The following ARHGAP25 variants were observed in gnomAD, a reference collection of about 807,000 sequenced individuals.
ARHGAP25 encodes the protein Rho GTPase activating protein 25.
In ARHGAP25, 34 loss-of-function variants were observed where a neutral mutation model predicts 71.0. The ratio of observed to expected loss-of-function variants is 0.48; its 90% CI spans 0.36 to 0.64. The LOEUF (loss-of-function observed/expected upper bound fraction) is 0.64, where lower values mean the gene tolerates loss of function less well. Ranked by LOEUF, ARHGAP25 falls within the 30% of genes least tolerant of loss-of-function variation. The pLI, the probability that ARHGAP25 is intolerant of heterozygous loss-of-function variation, is 0.00. For missense variants in ARHGAP25, 706 were observed against 805.1 expected, an observed-to-expected ratio of 0.88 and a Z score of 1.49; for synonymous variants, 282 against 296.5, an observed-to-expected ratio of 0.95 and a Z score of 0.50.
chr2:68,823,619 G>A (rs1011497569), intron 10 of ARHGAP25, among the ~76,000 whole-genome samples: 1 of 152,198 alleles, frequency 6.6e-6, no homozygotes, highest in South Asian at 2.1e-4. Flanking sequence ...AGAGTGATTA[G>A]AGGAGATGAG....
intron 1 of ARHGAP25, chr2:68,757,815 G>A (rs954445850): frequency 6.6e-6 from 1 of 151,998 alleles, no homozygotes; most frequent in Non-Finnish European, 1.5e-5. Flanking sequence ...GATTTAAGGG[G>A]CAATCATTTT....
At chr2:68,754,043 C>T (rs1676338936) in intron 1 of ARHGAP25, among the ~76,000 whole-genome samples, 1 of 152,008 alleles carries the variant, frequency 6.6e-6, no homozygotes, top group Non-Finnish European at 1.5e-5. Flanking sequence ...GCTGGGACTA[C>T]AGGCGCCCGC....
intron 1 of ARHGAP25, among the ~76,000 whole-genome samples, chr2:68,761,055 A>G (rs1011185933): frequency 1.3e-5 from 2 of 152,068 alleles, no homozygotes; most frequent in African/African-American, 4.8e-5. Context: ...ATAGATGTAG[A>G]GGTCACATAC....
intron 5 of ARHGAP25, among the ~76,000 whole-genome samples, chr2:68,811,475 T>C (rs1315181208): frequency 6.6e-6 from 1 of 152,214 alleles, no homozygotes; most frequent in Non-Finnish European, 1.5e-5. Context: ...CTAGCCTGGC[T>C]TTGCCTTGGG....
intron 6 of ARHGAP25, 82 bp from the exon 7 acceptor site, chr2:68,816,207 A>T: frequency 8.5e-7 from 1 of 1,171,572 alleles, no homozygotes; most frequent in East Asian, 2.3e-5. Flanking sequence ...AGATACACCA[A>T]TTCTGTCCCA....
Position 68,771,423 on chromosome 2 carries a change from G to C in ARHGAP25, c.62-3798G>C, listed in dbSNP as rs577366680. ...GTTATTATTTTCATTATGAGAAACA[G>C]CTCCATTAATAGTAACAGATCTCTT... On this transcript the variant is annotated intron_variant, in intron 1 of 10. Coordinates refer to ENST00000409202, the MANE Select transcript of ARHGAP25 (RefSeq NM_001007231.3). Among the ~76,000 whole-genome samples, 12 of 152,322 alleles carry C rather than the reference G, an allele frequency of 7.9e-5. No individual in the cohort carries two copies. The South Asian group carries it at 2.1e-3, about 26-fold the overall frequency.
intron 1 of ARHGAP25, among the ~76,000 whole-genome samples, chr2:68,766,956 C>A (rs1488050633): frequency 6.6e-6 from 1 of 152,202 alleles, no homozygotes; most frequent in African/African-American, 2.4e-5. Context: ...TTGACATAGT[C>A]ACTTGTCAAA....
intron 5 of ARHGAP25, among the ~76,000 whole-genome samples, chr2:68,813,068 G>A (rs1013382461): frequency 9.9e-5 from 15 of 152,180 alleles, no homozygotes; most frequent in African/African-American, 3.6e-4. Context: ...GAGGTAGTTG[G>A]GTGGAAGAGA....
chr2:68,813,180 C>T, intron 5 of ARHGAP25, 107 bp from the exon 6 acceptor site: 1 of 1,330,932 alleles, frequency 7.5e-7, no homozygotes, highest in Non-Finnish European at 1.0e-6. Flanking sequence ...CAAAATTTCC[C>T]TTTGTAATTT....
At chr2:68,753,122 A>G (rs1236600207) in intron 1 of ARHGAP25, among the ~76,000 whole-genome samples, 2 of 152,192 alleles carry the variant, frequency 1.3e-5, no homozygotes, top group African/African-American at 2.4e-5. Flanking sequence ...ACTATTAGCT[A>G]TCTATCCTTC....
chr2:68,734,055 A>G (rs1018395646), upstream of ARHGAP25, among the ~76,000 whole-genome samples: 7 of 152,248 alleles, frequency 4.6e-5, no homozygotes, highest in African/African-American at 1.7e-4. Context: ...TGACCCAGTT[A>G]AACATGAAAG....
At chr2:68,725,387 T>G (rs926344408) in intron 2 of ARHGAP25, among the ~76,000 whole-genome samples, 2 of 152,178 alleles carry the variant, frequency 1.3e-5, no homozygotes, top group Non-Finnish European at 2.9e-5. Flanking sequence ...TACAGTGATG[T>G]GATTGTGGCT....
intron 2 of ARHGAP25, among the ~76,000 whole-genome samples, chr2:68,715,937 A>G (rs918926082): frequency 6.6e-6 from 1 of 151,996 alleles, no homozygotes; most frequent in Non-Finnish European, 1.5e-5. Context: ...AAATGAATCT[A>G]CTTCACTCTT....
intron 2 of ARHGAP25, among the ~76,000 whole-genome samples, chr2:68,722,479 G>A (rs1340105547): frequency 6.6e-6 from 1 of 151,724 alleles, no homozygotes; most frequent in Non-Finnish European, 1.5e-5. Flanking sequence ...TCGGGAGGCT[G>A]AGGCAGGAGA....
intron 1 of ARHGAP25, among the ~76,000 whole-genome samples, chr2:68,737,901 G>A (rs114791451): frequency 0.012 from 1,875 of 152,240 alleles, 37 homozygotes; most frequent in African/African-American, 0.043. Flanking sequence ...CTCTGAGAGC[G>A]AGGGGAGGGA....
chr2:68,737,015 A>G (rs1211340513), intron 1 of ARHGAP25, among the ~76,000 whole-genome samples: 1 of 152,162 alleles, frequency 6.6e-6, no homozygotes, highest in East Asian at 1.9e-4. Flanking sequence ...TTCAGCCAAC[A>G]AAAACAAGCA....
intron 1 of ARHGAP25, among the ~76,000 whole-genome samples, chr2:68,750,028 A>G (rs1043736039): frequency 2.6e-5 from 4 of 152,154 alleles, no homozygotes; most frequent in Non-Finnish European, 4.4e-5. Context: ...TTTTAAAGAG[A>G]CAGGGTCTTG....
In ARHGAP25 at chr2:68,824,691, G is replaced by A. The variant is rs192580230; in HGVS notation, c.1734-1296G>A. Reference sequence around the variant, plus strand: ...TGGGAGGCGGAGCTTGCAGTGAGCCGAGATCATGCCACTGCACTCCAGCCT... The same window carrying A: ...TGGGAGGCGGAGCTTGCAGTGAGCCAAGATCATGCCACTGCACTCCAGCCT... On this transcript the variant is annotated intron_variant, in intron 10 of 10. Coordinates refer to ENST00000409202, the MANE Select transcript of ARHGAP25 (RefSeq NM_001007231.3). Among the ~76,000 whole-genome samples, 560 of 152,096 alleles carry A rather than the reference G, an allele frequency of 3.7e-3. 3 individuals are homozygous for A. Among genetic ancestry groups the A allele is most frequent in the African/African-American group, 0.013 (540 of 41,496 alleles).
intron 2 of ARHGAP25, among the ~76,000 whole-genome samples, chr2:68,778,857 A>G (rs770908734): frequency 1.1e-4 from 17 of 152,198 alleles, no homozygotes; most frequent in Admixed American, 1.3e-4. Flanking sequence ...GTGCTTCTGG[A>G]GAATCCTGTG....
Sources: gnomAD v4.1 joint callset for allele counts (sites outside exome capture counted in the v4.1 genomes callset) on GRCh38, gnomAD v4.1.1 for gene constraint, MANE v1.5 for transcripts, NCBI Gene and HGNC (gene_info 2026-07-23, HGNC 2026-07-21) for gene names.